Variants in CNTNAP2 observed in about 807,000 individuals in gnomAD.
CNTNAP2 encodes contactin associated protein 2.
A neutral mutation model predicts 155.2 loss-of-function variants in CNTNAP2; 98 were observed. The observed-to-expected ratio is 0.63, with a 90% CI of 0.54 to 0.75. CNTNAP2 has a LOEUF of 0.75. Ranked by LOEUF, CNTNAP2 falls within the 30% of genes least tolerant of loss-of-function variation. CNTNAP2 has a pLI of 0.00. For missense variants in CNTNAP2, 1,727 were observed against 1,688.1 expected, an observed-to-expected ratio of 1.02 and a Z score of -0.40; for synonymous variants, 651 against 631.2, an observed-to-expected ratio of 1.03 and a Z score of -0.47.
At chr7:146,637,104 C>T (rs978779112) in intron 1 of CNTNAP2, among the ~76,000 whole-genome samples, 3 of 152,040 alleles carry the variant, frequency 2.0e-5, no homozygotes, top group Non-Finnish European at 2.9e-5. Flanking sequence ...TTTCTGAAAA[C>T]CAAATATTGA....
intron 20 of CNTNAP2, among the ~76,000 whole-genome samples, chr7:148,244,708 A>G (rs1167885774): frequency 2.0e-5 from 3 of 151,740 alleles, no homozygotes; most frequent in Non-Finnish European, 2.9e-5. Flanking sequence ...GACCACAGGC[A>G]TGAGCCACCA....
At chr7:147,215,769 T>G (rs1243452014) in intron 8 of CNTNAP2, among the ~76,000 whole-genome samples, 1 of 152,198 alleles carries the variant, frequency 6.6e-6, no homozygotes, top group African/African-American at 2.4e-5. Context: ...ACTGCCAAAC[T>G]GTCTTTCAAA....
rs372561754 is a variant in CNTNAP2 at position 146,937,358 on chromosome 7, A to T, written c.402+97454A>T. On this transcript the variant is annotated intron_variant, in intron 3 of 23. Transcript: ENST00000361727. ...AGGGTGAGACTCTTGTCTCAAAAAA[A>T]AAAATAAAAATAAAATAAAATAAAA... 4.5e-5 allele frequency among the ~76,000 whole-genome samples: 6 copies of T among 134,234 alleles called. No individual in the cohort carries two copies. The East Asian group carries it at 5.8e-4, about 13-fold the overall frequency. The allele number at this position is 134,234 out of a possible 152,430, so 88.1% of individuals were successfully genotyped here.
rs146318691 is a variant in CNTNAP2, at chr7:146,205,865, C to T, written c.97+88892C>T. On this transcript the variant is annotated intron_variant, in intron 1 of 23. Coordinates refer to ENST00000361727, the MANE Select transcript of CNTNAP2 (RefSeq NM_014141.6). The stretch of plus-strand genomic sequence containing the variant: ...TAAGTTTTGTATACAGAGTCATAGA[C>T]AGAAGTTTTATTCTTTCTGTCTCTG... Among the ~76,000 whole-genome samples, 601 of 151,864 alleles carry T rather than the reference C, an allele frequency of 4.0e-3. 5 individuals carry two copies. Among genetic ancestry groups the T allele is most frequent in the African/African-American group, 6.6e-3 (272 of 41,516 alleles).
chr7:147,108,051 C>T (rs1800801523), intron 4 of CNTNAP2, 96 bp from the exon 5 acceptor site: 5 of 1,085,282 alleles, frequency 4.6e-6, no homozygotes, highest in Non-Finnish European at 6.9e-6. Context: ...AAGAAAAACA[C>T]TTACTTAATT....
At chr7:146,245,836 G>T (rs1453656792) in intron 1 of CNTNAP2, among the ~76,000 whole-genome samples, 3 of 150,494 alleles carry the variant, frequency 2.0e-5, no homozygotes, top group Non-Finnish European at 4.4e-5. Flanking sequence ...CTGGGATGAC[G>T]GGTGCAAAGG....
chr7:146,633,223 C>A (rs1354873791), intron 1 of CNTNAP2, among the ~76,000 whole-genome samples: 2 of 152,206 alleles, frequency 1.3e-5, no homozygotes, highest in Non-Finnish European at 2.9e-5. Context: ...CTACCAAATA[C>A]TTCCACAATT....
At chr7:147,942,353 G>GT (rs35758426) in intron 14 of CNTNAP2, among the ~76,000 whole-genome samples, 35,576 of 152,122 alleles carry the variant, frequency 0.23, 5,493 homozygotes, top group East Asian at 0.58. Context: ...CGTTGTAGAA[G>GT]TAAGCCTTTC....
At chr7:146,561,942 C>T (rs114170300) in intron 1 of CNTNAP2, among the ~76,000 whole-genome samples, 3,260 of 152,020 alleles carry the variant, frequency 0.021, 139 homozygotes, top group African/African-American at 0.073. Flanking sequence ...AGTCACACAC[C>T]ACCATATTCA....
intron 1 of CNTNAP2, among the ~76,000 whole-genome samples, chr7:146,133,762 C>T (rs1797753921): frequency 6.6e-6 from 1 of 152,082 alleles, no homozygotes; most frequent in Admixed American, 6.6e-5. Context: ...TGTTCTGTTC[C>T]ATTGATCTAT....
chr7:147,533,597 T>C (rs115027531), intron 11 of CNTNAP2, among the ~76,000 whole-genome samples: 1,542 of 150,576 alleles, frequency 0.01, 24 homozygotes, highest in African/African-American at 0.036. Flanking sequence ...ATAAGCTTTA[T>C]TTAAAAAAAA....
chr7:147,872,665 A>G (rs1445100842), intron 13 of CNTNAP2, among the ~76,000 whole-genome samples: 1 of 152,356 alleles, frequency 6.6e-6, no homozygotes, highest in East Asian at 1.9e-4. Context: ...TCTTGATTCA[A>G]TTCATTATAC....
intron 14 of CNTNAP2, among the ~76,000 whole-genome samples, chr7:147,938,501 C>G (rs1800657124): frequency 6.6e-6 from 1 of 152,052 alleles, no homozygotes; most frequent in Non-Finnish European, 1.5e-5. Context: ...ATAGCTTTCC[C>G]TCCTGAAACA....
intron 1 of CNTNAP2, among the ~76,000 whole-genome samples, chr7:146,603,781 T>A (rs1328090278): frequency 6.6e-6 from 1 of 150,526 alleles, no homozygotes; most frequent in Non-Finnish European, 1.5e-5. Flanking sequence ...TAACTACAAC[T>A]ATCTGATCTT....
intron 7 of CNTNAP2, 60 bp from the exon 8 acceptor site, chr7:147,132,185 C>A: frequency 6.2e-7 from 1 of 1,601,292 alleles, no homozygotes; most frequent in Non-Finnish European, 8.5e-7. Context: ...CATCAGTGGT[C>A]TGACATGGAT....
intron 12 of CNTNAP2, among the ~76,000 whole-genome samples, chr7:147,573,603 GT>G (rs1341945996): frequency 6.6e-6 from 1 of 152,178 alleles, no homozygotes; most frequent in Non-Finnish European, 1.5e-5. Context: ...AGAGCGGGAA[GT>G]TTGTTAGTAC....
Position 147,872,683 on chromosome 7 carries a change from C to G in CNTNAP2, c.2099-30882C>G, listed in dbSNP as rs564689765. ...TGATTCAATTCATTATACTATGAAG[C>G]TTTTGACTTAAGAATTAGAAAAAAA... is the stretch of plus-strand genomic sequence containing the variant. On this transcript the variant is annotated intron_variant, in intron 13 of 23. Coordinates refer to ENST00000361727, the MANE Select transcript of CNTNAP2 (RefSeq NM_014141.6). Among the ~76,000 whole-genome samples, 3 of 152,298 alleles carry G rather than the reference C, an allele frequency of 2.0e-5. No individual in the cohort carries two copies. The South Asian group carries it at 6.2e-4, about 32-fold the overall frequency.
intron 1 of CNTNAP2, among the ~76,000 whole-genome samples, chr7:146,711,745 TACACA>T (rs1279900731): frequency 1.4e-5 from 2 of 145,292 alleles, no homozygotes; most frequent in Non-Finnish European, 3.0e-5. Context: ...ATATATAGTA[TACACA>T]TCTTATGTAT....
At chr7:148,323,352 T>A (rs1797834528) in intron 21 of CNTNAP2, among the ~76,000 whole-genome samples, 2 of 150,626 alleles carry the variant, frequency 1.3e-5, no homozygotes, top group Admixed American at 6.6e-5. Context: ...ATTCTTTTTT[T>A]TTTATACTTA....
Sources: gnomAD v4.1 joint callset for allele counts (sites outside exome capture counted in the v4.1 genomes callset) on GRCh38, gnomAD v4.1.1 for gene constraint, MANE v1.5 for transcripts, NCBI Gene and HGNC (gene_info 2026-07-23, HGNC 2026-07-21) for gene names.